FAM227B: variants seen among roughly 807,000 people sequenced by gnomAD.
FAM227B encodes the protein family with sequence similarity 227 member B, also known as protein FAM227B.
Under a neutral mutation model 73.8 loss-of-function variants are expected in FAM227B, and 88 were observed. That is an observed-to-expected ratio of 1.19 (90% CI 1.00 to 1.42). FAM227B has a LOEUF of 1.42. Ranked by LOEUF, FAM227B falls within the 40% of genes most tolerant of loss-of-function variation. The pLI is 0.00. For missense variants in FAM227B, 632 were observed against 590.9 expected (o/e 1.07, Z -0.72); for synonymous variants, 210 against 190.5 (o/e 1.10, Z -0.84).
intron 11 of FAM227B, among the ~76,000 whole-genome samples, chr15:49,445,872 G>A (rs2052153246): frequency 6.6e-6 from 1 of 151,420 alleles, no homozygotes; most frequent in Admixed American, 6.6e-5. Context: ...ATGATCATTT[G>A]AAATTAGATA....
intron 11 of FAM227B, among the ~76,000 whole-genome samples, chr15:49,453,045 C>A (rs111663538): frequency 1.3e-5 from 2 of 152,086 alleles, no homozygotes; most frequent in African/African-American, 2.4e-5. Flanking sequence ...TTTCTCCTTT[C>A]TCTTACCACT....
rs77802358 is a variant in FAM227B, at chr15:49,556,905, C to T, written c.747+11340G>A. Among the ~76,000 whole-genome samples the T allele has an allele frequency of 4.5e-3, 692 of 152,306 alleles. 6 individuals carry two copies. The highest frequency in any genetic ancestry group is 0.016 in the African/African-American group (659 of 41,576). The stretch of plus-strand genomic sequence containing the variant: ...AACCAGCTCTCCCTGCTAGCTCAAG[C>T]GTCCATAGGGGTCATGGGTCCTTTG... On this transcript the variant is annotated intron_variant, in intron 9 of 15. Transcript: ENST00000299338.
chr15:49,548,069 T>A (rs2072210589), intron 9 of FAM227B, among the ~76,000 whole-genome samples: 1 of 152,220 alleles, frequency 6.6e-6, no homozygotes, highest in Non-Finnish European at 1.5e-5. Context: ...GAACAACTGG[T>A]GACAGTGTGT....
chr15:49,588,100 AT>A lies in FAM227B; in HGVS notation c.338-18del. The A allele has an allele frequency of 2.9e-6, 4 of 1,366,908 alleles. No homozygotes were observed. Among genetic ancestry groups the A allele is most frequent in the Non-Finnish European group, 3.9e-6 (4 of 1,019,596 alleles). The allele number at this position is 1,366,908 out of a possible 1,614,324, so 84.7% of individuals were successfully genotyped here. On this transcript the variant is annotated intron_variant, in intron 4 of 15. Coordinates refer to ENST00000299338, the MANE Select transcript of FAM227B (RefSeq NM_152647.3). The stretch of plus-strand genomic sequence containing the variant: ...TATAAGAACCTTTAAGAAAATAAGA[AT>A]TCACAGTATATATATTATACATATG...
intron 11 of FAM227B, chr15:49,487,904 T>A (rs1443341627): frequency 1.3e-5 from 2 of 151,954 alleles, no homozygotes; most frequent in Non-Finnish European, 2.9e-5. Context: ...ACATCCCTAC[T>A]CCACTGCCAT....
chr15:49,577,551 T>TG, intron 6 of FAM227B, 78 bp downstream of exon 6: 1 of 865,324 alleles, frequency 1.2e-6, no homozygotes, highest in Non-Finnish European at 1.8e-6. Context: ...AGAGCCTTGT[T>TG]TATATTGTTG....
chr15:49,606,249 T>C (rs987536837), intron 3 of FAM227B: 5 of 152,166 alleles, frequency 3.3e-5, no homozygotes, highest in African/African-American at 1.2e-4. Context: ...TTTTGCCATC[T>C]TGCTGGAGTC....
intron 11 of FAM227B, among the ~76,000 whole-genome samples, chr15:49,477,835 A>G (rs2055493807): frequency 6.6e-6 from 1 of 152,214 alleles, no homozygotes; most frequent in African/African-American, 2.4e-5. Flanking sequence ...TTGCCAGCAT[A>G]CAGCACTGTT....
chr15:49,378,383 T>C (rs925969675), intron 11 of FAM227B, among the ~76,000 whole-genome samples: 5 of 152,128 alleles, frequency 3.3e-5, no homozygotes, highest in Non-Finnish European at 7.4e-5. Context: ...ATCTGTAGAT[T>C]GCTTTGGTTA....
intron 10 of FAM227B, among the ~76,000 whole-genome samples, chr15:49,529,122 C>T (rs1038237566): frequency 6.6e-6 from 1 of 151,648 alleles, no homozygotes; most frequent in African/African-American, 2.4e-5. Context: ...GGAATATATA[C>T]ACCAAGGAAT....
At chr15:49,577,835 C>T (rs1482649531) in intron 5 of FAM227B, among the ~76,000 whole-genome samples, 171 bp from the exon 6 acceptor site, 4 of 152,072 alleles carry the variant, frequency 2.6e-5, no homozygotes, top group Non-Finnish European at 4.4e-5. Context: ...TCAAAGATGG[C>T]CTTTGCCCTC....
In FAM227B at chr15:49,335,515, A is replaced by C; in HGVS notation, c.1272-19T>G. On this transcript the variant is annotated intron_variant, in intron 13 of 15. Coordinates refer to ENST00000299338, the MANE Select transcript of FAM227B (RefSeq NM_152647.3). Reference sequence around the variant, plus strand: ...AGGTAGTGTGCTAGGCTTATTATTAAGGAATGATTTTCAATTAGGAACATT... The same window carrying C: ...AGGTAGTGTGCTAGGCTTATTATTACGGAATGATTTTCAATTAGGAACATT... 1 of 1,592,064 alleles carries C rather than the reference A, an allele frequency of 6.3e-7. No individual in the cohort carries two copies. Among genetic ancestry groups the C allele is most frequent in the Non-Finnish European group, 8.6e-7 (1 of 1,160,668 alleles).
At position 49,458,266 on chromosome 15, in the gene FAM227B, T is replaced by C. The variant is rs1306594252; in HGVS notation, c.1012+49945A>G. 3.3e-5 allele frequency among the ~76,000 whole-genome samples: 5 copies of C among 151,822 alleles called. No homozygotes were observed. The East Asian group carries it at 5.8e-4, about 18-fold the overall frequency. On this transcript the variant is annotated intron_variant, in intron 11 of 15. Coordinates refer to ENST00000299338, the MANE Select transcript of FAM227B (RefSeq NM_152647.3). The stretch of plus-strand genomic sequence containing the variant: ...TTTATTCATTTATACTGAATTAATA[T>C]ACTCTGGAGAAAAAGAACCCCCCCA...
intron 10 of FAM227B, among the ~76,000 whole-genome samples, chr15:49,529,843 T>C (rs1335895694): frequency 1.3e-5 from 2 of 151,772 alleles, no homozygotes; most frequent in African/African-American, 2.4e-5. Flanking sequence ...AAGATTGTTA[T>C]ATAAATGAAA....
At chr15:49,430,072 G>A (rs2050460669) in intron 11 of FAM227B, among the ~76,000 whole-genome samples, 1 of 151,870 alleles carries the variant, frequency 6.6e-6, no homozygotes, top group Non-Finnish European at 1.5e-5. Context: ...TCTGAATTAT[G>A]CACCAAGAGG....
At chr15:49,533,119 T>C (rs1014795996) in intron 10 of FAM227B, among the ~76,000 whole-genome samples, 18 of 151,936 alleles carry the variant, frequency 1.2e-4, no homozygotes, top group Admixed American at 1.2e-3. Context: ...CCTCAAGATA[T>C]TTTGATTTTC....
intron 5 of FAM227B, among the ~76,000 whole-genome samples, chr15:49,578,114 A>G (rs1267553357): frequency 6.6e-6 from 1 of 152,204 alleles, no homozygotes; most frequent in Non-Finnish European, 1.5e-5. Flanking sequence ...AACTGGCTCA[A>G]AGAAGAGTTC....
At chr15:49,393,295 C>T (rs901749747) in intron 11 of FAM227B, among the ~76,000 whole-genome samples, 2 of 151,944 alleles carry the variant, frequency 1.3e-5, no homozygotes, top group African/African-American at 4.8e-5. Flanking sequence ...TGTGGTTCAC[C>T]CATATCATTT....
intron 5 of FAM227B, among the ~76,000 whole-genome samples, chr15:49,581,131 T>C (rs1243238770): frequency 1.3e-5 from 2 of 152,038 alleles, no homozygotes; most frequent in African/African-American, 4.8e-5. Context: ...AGAGAACCCT[T>C]GTGAGATACT....
Sources: allele counts gnomAD v4.1 joint callset (sites outside exome capture counted in the v4.1 genomes callset), GRCh38; gene constraint gnomAD v4.1.1; transcripts MANE v1.5; gene names NCBI Gene and HGNC (gene_info 2026-07-23, HGNC 2026-07-21).